E2F7: variants seen among roughly 807,000 people sequenced by gnomAD.
E2F7 encodes E2F transcription factor 7, also known as transcription factor E2F7.
In E2F7, 35 loss-of-function variants were observed where a neutral mutation model predicts 81.1. The ratio of observed to expected loss-of-function variants is 0.43; its 90% CI spans 0.33 to 0.57. The LOEUF is 0.57. E2F7 is among the 20% of genes least tolerant of loss of function. The pLI is 0.04. For synonymous variants in E2F7, 416 were observed against 416.2 expected (o/e 1.00, Z 0.01); for missense variants, 961 against 1,093.7 (o/e 0.88, Z 1.71).
At chr12:77,025,183 T>C (rs1367771574) in intron 12 of E2F7, among the ~76,000 whole-genome samples, 1 of 152,174 alleles carries the variant, frequency 6.6e-6, no homozygotes, top group Non-Finnish European at 1.5e-5. Flanking sequence ...TTGATTGTTT[T>C]TATAGCTGTA....
intron 12 of E2F7, 51 bp downstream of exon 12, chr12:77,025,507 G>T: frequency 6.3e-7 from 1 of 1,589,700 alleles, no homozygotes; most frequent in South Asian, 1.2e-5. Context: ...GCTAAACACA[G>T]GCATACCCCT....
At position 77,027,932 on chromosome 12, in the gene E2F7, G is replaced by A; in HGVS notation, c.2091C>T (p.Ser697=). The A allele has an allele frequency of 6.2e-7, 1 of 1,614,204 alleles. No homozygotes were observed. Among genetic ancestry groups the A allele is most frequent in the Non-Finnish European group, 8.5e-7 (1 of 1,180,036 alleles). Residue 697 remains serine, a synonymous_variant, in exon 11 of 13, where the codon AGC becomes AGT. Transcript: ENST00000322886. ...ATTGTAGCAAAGAAGGCTCTTTGGT[G>A]CTTTCATTTTCTTTTGAAGGCTTTT... is the stretch of plus-strand genomic sequence containing the variant. The part of the protein sequence containing the change: ...DVEKPSKENE[S]TKEPSLLQYL...
At position 77,025,946 on chromosome 12, in the gene E2F7, T is replaced by C; in HGVS notation, c.2177A>G (p.Gln726Arg). ...GGACGGGCCCACAGTAGGGGGGGTTTGACTGCCAGATAAAAGTACATTGAA... is the reference window on the plus strand; with the variant it reads ...GGACGGGCCCACAGTAGGGGGGGTTCGACTGCCAGATAAAAGTACATTGAA... ...NGFNVLLSGS[Q>R]TPPTVGPSSG... Residue 726 changes from glutamine to arginine, a missense_variant, in exon 12 of 13, where the codon CAA becomes CGA. Transcript: ENST00000322886. The C allele has an allele frequency of 1.9e-6, 3 of 1,612,768 alleles. No homozygotes were observed. Among genetic ancestry groups the C allele is most frequent in the Non-Finnish European group, 2.5e-6 (3 of 1,179,434 alleles).
At chr12:77,064,220 G>A (rs74103262) in intron 2 of E2F7, among the ~76,000 whole-genome samples, 4,622 of 152,252 alleles carry the variant, frequency 0.03, 145 homozygotes, top group African/African-American at 0.081. Context: ...CTGAGGCTTA[G>A]CATTCCTACA....
intron 7 of E2F7, among the ~76,000 whole-genome samples, chr12:77,041,085 C>A (rs1250710696): frequency 6.6e-6 from 1 of 152,198 alleles, no homozygotes; most frequent in Non-Finnish European, 1.5e-5. Context: ...CCTGACTTGC[C>A]TCCAAAGTCT....
intron 10 of E2F7, among the ~76,000 whole-genome samples, chr12:77,028,611 G>A (rs1167390048): frequency 6.6e-6 from 1 of 151,980 alleles, no homozygotes. Flanking sequence ...GGGACTAGAG[G>A]TGCCCGCCAC....
intron 12 of E2F7, among the ~76,000 whole-genome samples, chr12:77,024,672 T>G (rs1592552056): frequency 6.6e-6 from 1 of 152,232 alleles, no homozygotes; most frequent in Non-Finnish European, 1.5e-5. Context: ...TAATGTGCCA[T>G]AAAATGGCAG....
At chr12:77,037,658 A>C (rs1241881333) in intron 7 of E2F7, among the ~76,000 whole-genome samples, 1 of 152,220 alleles carries the variant, frequency 6.6e-6, no homozygotes, top group African/African-American at 2.4e-5. Flanking sequence ...CACAACAAAG[A>C]ATTATAGCCA....
At chr12:77,035,725 A>AG (rs767558075) in intron 7 of E2F7, among the ~76,000 whole-genome samples, 48 of 152,334 alleles carry the variant, frequency 3.2e-4, no homozygotes, top group Middle Eastern at 3.4e-3. Flanking sequence ...CACAATGAGG[A>AG]GAAAAATCAA....
intron 2 of E2F7, among the ~76,000 whole-genome samples, chr12:77,061,654 A>C (rs1190864366): frequency 6.6e-6 from 1 of 152,250 alleles, no homozygotes; most frequent in Non-Finnish European, 1.5e-5. Flanking sequence ...AGATGCATAC[A>C]TAATACAGTA....
At chr12:77,061,395 C>G (rs1955077625) in intron 2 of E2F7, among the ~76,000 whole-genome samples, 1 of 152,144 alleles carries the variant, frequency 6.6e-6, no homozygotes, top group African/African-American at 2.4e-5. Context: ...CCAAATATGC[C>G]ATGCTCATTT....
chr12:77,064,776 G>A, intron 1 of E2F7, 141 bp from the exon 2 acceptor site: 1 of 654,758 alleles, frequency 1.5e-6, no homozygotes, highest in Non-Finnish European at 2.6e-6. Context: ...TCCAGGAGTT[G>A]TAGCCACCCT....
chr12:77,061,433 C>G (rs548876882), intron 2 of E2F7, among the ~76,000 whole-genome samples: 1 of 152,342 alleles, frequency 6.6e-6, no homozygotes, highest in Non-Finnish European at 1.5e-5. Flanking sequence ...CCCCTCCTCT[C>G]TACTTGCCTG....
intron 2 of E2F7, among the ~76,000 whole-genome samples, chr12:77,060,347 C>A (rs959368972): frequency 6.6e-6 from 1 of 152,156 alleles, no homozygotes; most frequent in Non-Finnish European, 1.5e-5. Context: ...ACTCTGTCAT[C>A]TGTGAAGTGC....
intron 7 of E2F7, among the ~76,000 whole-genome samples, chr12:77,036,513 A>G (rs762643790): frequency 4.0e-5 from 6 of 150,526 alleles, no homozygotes; most frequent in Non-Finnish European, 8.9e-5. Context: ...AGTTTGGGTG[A>G]CAGAGTAAGA....
At chr12:77,058,442 C>T (rs536475360) in intron 2 of E2F7, among the ~76,000 whole-genome samples, 414 of 152,226 alleles carry the variant, frequency 2.7e-3, no homozygotes, top group African/African-American at 9.0e-3. Flanking sequence ...AAATTCTACA[C>T]TTAAAAATGA....
intron 11 of E2F7, 39 bp from the exon 12 acceptor site, chr12:77,026,021 C>T (rs1222291210): frequency 1.9e-6 from 3 of 1,549,984 alleles, no homozygotes; most frequent in East Asian, 2.3e-5. Flanking sequence ...CAATATATGT[C>T]ATCATGAGGA....
chr12:77,062,249 T>G (rs74103259), intron 2 of E2F7, among the ~76,000 whole-genome samples: 4,638 of 152,280 alleles, frequency 0.03, 147 homozygotes, highest in African/African-American at 0.082. Flanking sequence ...TTAGGGAGAT[T>G]AGGAAACTCA....
Position 77,034,585 on chromosome 12 carries a change from G to A in E2F7, c.1124-543C>T, listed in dbSNP as rs566399450. On this transcript the variant is annotated intron_variant, in intron 7 of 12. Transcript: ENST00000322886. ...GGAATAAGGTCAGCAGAAACCTCATGGTTGAAATGCTGCAGAACAGTGAGA... is the reference window on the plus strand; with the variant it reads ...GGAATAAGGTCAGCAGAAACCTCATAGTTGAAATGCTGCAGAACAGTGAGA... Among the ~76,000 whole-genome samples, 200 of 152,350 alleles carry A rather than the reference G, an allele frequency of 1.3e-3. 2 individuals carry two copies. The highest frequency in any genetic ancestry group is 4.7e-3 in the African/African-American group (197 of 41,578).
Sources: gnomAD v4.1 joint callset for allele counts (sites outside exome capture counted in the v4.1 genomes callset) on GRCh38, gnomAD v4.1.1 for gene constraint, MANE v1.5 for transcripts, NCBI Gene and HGNC (gene_info 2026-07-23, HGNC 2026-07-21) for gene names.